The following FNIP1 variants were observed in gnomAD, a reference collection of about 807,000 sequenced individuals.
The protein encoded by FNIP1 is folliculin-interacting protein 1.
Under a neutral mutation model 124.5 loss-of-function variants are expected in FNIP1, and 40 were observed. That is an observed-to-expected ratio of 0.32 (90% confidence interval 0.25 to 0.42). The LOEUF (loss-of-function observed/expected upper bound fraction) is 0.42. Ranked by LOEUF, FNIP1 falls within the 10% of genes least tolerant of loss-of-function variation. FNIP1 has a pLI of 1.00. For missense variants in FNIP1, 1,176 were observed against 1,403.7 expected, an observed-to-expected ratio of 0.84 and a Z score of 2.59; for synonymous variants, 472 against 470.6, an observed-to-expected ratio of 1.00 and a Z score of -0.04.
At chr5:131,706,349 C>T (rs1040875364) in intron 9 of FNIP1, 62 bp downstream of exon 9, 8 of 1,430,598 alleles carry the variant, frequency 5.6e-6, no homozygotes, top group Non-Finnish European at 7.4e-6. Context: ...TCTAAAAAAC[C>T]CATATAAAAT....
chr5:131,711,263 T>C (rs943971476), intron 6 of FNIP1, among the ~76,000 whole-genome samples: 2 of 152,152 alleles, frequency 1.3e-5, no homozygotes, highest in East Asian at 3.8e-4. Flanking sequence ...GGAACACAAA[T>C]GAAGCTCATC....
intron 15 of FNIP1, among the ~76,000 whole-genome samples, chr5:131,663,165 A>G (rs1767494827): frequency 6.6e-6 from 1 of 152,228 alleles, no homozygotes; most frequent in South Asian, 2.1e-4. Context: ...CCTCTAGTAA[A>G]AGGATTCAGA....
chr5:131,699,166 T>C (rs1406392797), intron 10 of FNIP1, among the ~76,000 whole-genome samples, 164 bp from the exon 11 acceptor site: 1 of 152,234 alleles, frequency 6.6e-6, no homozygotes, highest in Non-Finnish European at 1.5e-5. Context: ...CTTTTTCTTC[T>C]ACACATTTGG....
At position 131,642,601 on chromosome 5, in the gene FNIP1, G is replaced by A. The variant is rs900914609; in HGVS notation, c.*2084C>T. 2.6e-5 allele frequency: 4 copies of A among 152,292 alleles called. No homozygotes were observed. Among genetic ancestry groups the A allele is most frequent in the African/African-American group, 9.7e-5 (4 of 41,378 alleles). 9.4% of individuals were successfully genotyped at this position (152,292 alleles called of 1,614,324 possible). ...AAAAAAGTACAAGGCTGGGCACAGT[G>A]GCTCACGCCTGTAATCCCAGTACTT... On this transcript the variant is annotated 3_prime_UTR_variant, in exon 18 of 18. Transcript: ENST00000510461.
intron 3 of FNIP1, among the ~76,000 whole-genome samples, chr5:131,721,859 T>G (rs1319761303): frequency 1.3e-5 from 2 of 152,232 alleles, no homozygotes; most frequent in African/African-American, 4.8e-5. Context: ...CTTTCATTAT[T>G]CTTTGTCTTC....
chr5:131,677,565 G>T, intron 13 of FNIP1, 138 bp downstream of exon 13: 2 of 773,040 alleles, frequency 2.6e-6, no homozygotes, highest in Non-Finnish European at 4.0e-6. Context: ...TGGCAGACAT[G>T]AAAGGACAAG....
chr5:131,661,065 G>C (rs1277707563), intron 15 of FNIP1, among the ~76,000 whole-genome samples: 1 of 152,090 alleles, frequency 6.6e-6, no homozygotes, highest in Admixed American at 6.5e-5. Context: ...GGTTTCAATT[G>C]GCTCTCCCTA....
chr5:131,727,389 A>G (rs992800997), intron 3 of FNIP1, among the ~76,000 whole-genome samples: 3 of 151,774 alleles, frequency 2.0e-5, no homozygotes, highest in African/African-American at 7.3e-5. Context: ...ACTGATCCCT[A>G]TTGTTGCATT....
At chr5:131,665,939 T>C (rs1318255376) in intron 15 of FNIP1, among the ~76,000 whole-genome samples, 2 of 145,832 alleles carry the variant, frequency 1.4e-5, no homozygotes, top group African/African-American at 2.6e-5. Flanking sequence ...TCTCGCTCTG[T>C]CGCCCAGGCT....
intron 1 of FNIP1, among the ~76,000 whole-genome samples, chr5:131,782,839 T>C (rs1236245242): frequency 6.6e-6 from 1 of 152,196 alleles, no homozygotes; most frequent in Non-Finnish European, 1.5e-5. Flanking sequence ...AAGTGGAGGC[T>C]AGGCCAGGCG....
chr5:131,701,684 T>C (rs1355697374), intron 10 of FNIP1, among the ~76,000 whole-genome samples: 1 of 152,222 alleles, frequency 6.6e-6, no homozygotes, highest in Admixed American at 6.5e-5. Context: ...AGATACATCC[T>C]TTCCTTTCTA....
rs568814840 is a variant in FNIP1 at position 131,747,028 on chromosome 5, GTGA to G, written c.93-2341_93-2339del. On this transcript the variant is annotated intron_variant, in intron 1 of 17. Coordinates refer to ENST00000510461, the MANE Select transcript of FNIP1 (RefSeq NM_133372.3). The stretch of plus-strand genomic sequence containing the variant: ...TTGATTTGTCTTTCTCTGATGACTA[GTGA>G]TGATGAGCATTTTTTCATGTTTGTT... Among the ~76,000 whole-genome samples, 158 of 152,292 alleles carry G rather than the reference GTGA, an allele frequency of 1.0e-3. 1 individual carries two copies. The highest frequency in any genetic ancestry group is 3.6e-3 in the African/African-American group (151 of 41,552).
At chr5:131,650,037 T>C (rs1439320232) in intron 16 of FNIP1, among the ~76,000 whole-genome samples, 4 of 152,224 alleles carry the variant, frequency 2.6e-5, no homozygotes, top group South Asian at 2.1e-4. Context: ...GTAATAAGTT[T>C]TGAAATCAAG....
Position 131,644,591 on chromosome 5 carries a change from TA to T in FNIP1, c.*93del. 9.1e-7 allele frequency: 1 copy of T among 1,103,046 alleles called. No individual in the cohort carries two copies. Among genetic ancestry groups the T allele is most frequent in the Non-Finnish European group, 1.4e-6 (1 of 734,214 alleles). 68.3% of individuals were successfully genotyped at this position (1,103,046 alleles called of 1,614,324 possible). A position where few individuals can be genotyped will look rare whatever the true frequency, so the allele number is the denominator to read the frequency against. On this transcript the variant is annotated 3_prime_UTR_variant, in exon 18 of 18. Transcript: ENST00000510461. The stretch of plus-strand genomic sequence containing the variant: ...TGACTGACTCATTCAGATGGAAGTC[TA>T]AAAGGGAAAAAGAATCTCCATAAAT...
intron 1 of FNIP1, among the ~76,000 whole-genome samples, chr5:131,772,915 A>G (rs1262846131): frequency 3.3e-5 from 5 of 152,180 alleles, no homozygotes. Flanking sequence ...TGATTGTACC[A>G]TATCATTGTA....
At chr5:131,756,869 T>C (rs1025229634) in intron 1 of FNIP1, among the ~76,000 whole-genome samples, 4 of 152,136 alleles carry the variant, frequency 2.6e-5, no homozygotes, top group Non-Finnish European at 5.9e-5. Flanking sequence ...AAAAGGACTA[T>C]CAAACCATAT....
At chr5:131,676,908 C>A (rs986333738) in intron 13 of FNIP1, among the ~76,000 whole-genome samples, 4 of 152,104 alleles carry the variant, frequency 2.6e-5, no homozygotes, top group African/African-American at 9.7e-5. Context: ...ATCCACCTGG[C>A]AAGCTCAATC....
chr5:131,697,968 CAAAAAAAA>C lies in FNIP1; in HGVS notation c.1202+941_1202+948del, dbSNP rs753487190. Among the ~76,000 whole-genome samples the C allele has an allele frequency of 7.3e-3, 432 of 58,776 alleles. 3 individuals are homozygous for C. The highest frequency in any genetic ancestry group is 0.018 in the African/African-American group (409 of 22,974). The allele number at this position is 58,776 out of a possible 152,430, so 38.6% of individuals were successfully genotyped here. On this transcript the variant is annotated intron_variant, in intron 11 of 17. Transcript: ENST00000510461. ...TGGGTGACAGAGCAAGACTCCACCT[CAAAAAAAA>C]AAAAAAAAAAAAAGAAAGAAAAAGA...
At chr5:131,779,296 G>C (rs1017609034) in intron 1 of FNIP1, among the ~76,000 whole-genome samples, 18 of 152,038 alleles carry the variant, frequency 1.2e-4, no homozygotes, top group Admixed American at 4.6e-4. Flanking sequence ...ACTGAACATG[G>C]ACTGAGTATT....
Sources: gnomAD v4.1 joint callset for allele counts (sites outside exome capture counted in the v4.1 genomes callset) on GRCh38, gnomAD v4.1.1 for gene constraint, MANE v1.5 for transcripts, NCBI Gene and HGNC (gene_info 2026-07-23, HGNC 2026-07-21) for gene names.